The following IL1RAPL2 variants were observed in gnomAD, a reference collection of about 807,000 sequenced individuals.
The protein encoded by IL1RAPL2 is interleukin 1 receptor accessory protein like 2.
In IL1RAPL2, 3 loss-of-function variants were observed where a neutral mutation model predicts 44.1. The ratio of observed to expected loss-of-function variants is 0.07; its 90% CI spans 0.03 to 0.18. IL1RAPL2 has a LOEUF of 0.18. Among genes scored for constraint, IL1RAPL2 ranks in the 10% least tolerant of loss-of-function variants. IL1RAPL2 has a pLI of 1.00. For synonymous variants in IL1RAPL2, 181 were observed against 178.8 expected, an observed-to-expected ratio of 1.01 and a Z score of -0.10; for missense variants, 391 against 496.4, an observed-to-expected ratio of 0.79 and a Z score of 2.02.
At chrX:104,828,732 G>A (rs904092894) in intron 2 of IL1RAPL2, among the ~76,000 whole-genome samples, 4 of 112,474 alleles carry the variant, frequency 3.6e-5, no homozygotes, top group Non-Finnish European at 5.6e-5. Flanking sequence ...GCCCACAGCC[G>A]CCCCCTCCCC....
intron 2 of IL1RAPL2, among the ~76,000 whole-genome samples, chrX:105,029,255 TTTA>T (rs1044938440): frequency 1.5e-4 from 16 of 107,381 alleles, no homozygotes; most frequent in Middle Eastern, 4.9e-3. Context: ...TTATTTTTAT[TTTA>T]TTATTATTAT....
intron 2 of IL1RAPL2, among the ~76,000 whole-genome samples, chrX:105,030,623 G>C (rs9698589): frequency 0.038 from 4,290 of 111,760 alleles, 228 homozygotes; most frequent in African/African-American, 0.13. Context: ...TTTGGTACCA[G>C]TACCATGCTT....
chrX:104,729,635 TTTTTTTATCTTA>T (rs1931864790), intron 2 of IL1RAPL2, among the ~76,000 whole-genome samples: 2 of 109,801 alleles, frequency 1.8e-5, no homozygotes, highest in Non-Finnish European at 3.8e-5. Flanking sequence ...CAATAGTTTT[TTTTTTTATCTTA>T]TCCCTCCTCA....
At chrX:105,512,083 T>C (rs1602444757) in intron 6 of IL1RAPL2, among the ~76,000 whole-genome samples, 1 of 110,932 alleles carries the variant, frequency 9.0e-6, no homozygotes, top group Admixed American at 9.6e-5. Flanking sequence ...TAATTTCAGT[T>C]CTCTCTAATT....
chrX:104,709,925 A>T (rs1038383944), intron 2 of IL1RAPL2, among the ~76,000 whole-genome samples: 5 of 110,932 alleles, frequency 4.5e-5, no homozygotes, highest in Non-Finnish European at 7.6e-5. Flanking sequence ...AATGGAAATT[A>T]AAAAAAGCAG....
At chrX:104,604,447 C>A (rs1300997591) in intron 1 of IL1RAPL2, among the ~76,000 whole-genome samples, 1 of 110,490 alleles carries the variant, frequency 9.1e-6, no homozygotes, top group Admixed American at 9.7e-5. Flanking sequence ...ATCAAATTCA[C>A]ACATAACCAT....
intron 6 of IL1RAPL2, among the ~76,000 whole-genome samples, chrX:105,688,451 A>G (rs1277240735): frequency 1.8e-5 from 2 of 111,913 alleles, no homozygotes; most frequent in Non-Finnish European, 3.8e-5. Context: ...GAGCCAAATT[A>G]TGTGTGAACT....
At chrX:105,708,197 C>T (rs865887726) in intron 6 of IL1RAPL2, among the ~76,000 whole-genome samples, 2 of 111,443 alleles carry the variant, frequency 1.8e-5, no homozygotes, top group Non-Finnish European at 3.8e-5. Context: ...TTATTTTGAA[C>T]ATCATTTCTA....
intron 5 of IL1RAPL2, among the ~76,000 whole-genome samples, chrX:105,403,292 G>C (rs1229407321): frequency 2.7e-5 from 3 of 111,606 alleles, no homozygotes; most frequent in Non-Finnish European, 5.7e-5. Context: ...TGCTTTCTAA[G>C]AATGACTATA....
intron 2 of IL1RAPL2, among the ~76,000 whole-genome samples, chrX:104,877,007 G>A (rs1922923773): frequency 9.1e-6 from 1 of 110,272 alleles, no homozygotes. Flanking sequence ...GCGATAGTTT[G>A]CTGAGAATGA....
intron 5 of IL1RAPL2, among the ~76,000 whole-genome samples, chrX:105,291,943 A>G (rs2034616174): frequency 9.0e-6 from 1 of 111,366 alleles, no homozygotes. Context: ...TATATGGAGC[A>G]CCAACTTTTC....
At chrX:105,307,181 G>A (rs940866747) in intron 5 of IL1RAPL2, among the ~76,000 whole-genome samples, 3 of 107,150 alleles carry the variant, frequency 2.8e-5, no homozygotes, top group Non-Finnish European at 3.8e-5. Context: ...CCCTCAACAC[G>A]TGAGGATTAC....
intron 6 of IL1RAPL2, among the ~76,000 whole-genome samples, chrX:105,610,111 G>C (rs7062670): frequency 0.013 from 1,452 of 111,356 alleles, 19 homozygotes; most frequent in African/African-American, 0.044. Context: ...CCATCCGTAG[G>C]TGTAACAGCC....
intron 5 of IL1RAPL2, among the ~76,000 whole-genome samples, chrX:105,421,466 G>A (rs1189348523): frequency 9.0e-6 from 1 of 111,228 alleles, no homozygotes; most frequent in African/African-American, 3.3e-5. Context: ...ATCTTTTGGA[G>A]AAAGCATTTT....
chrX:105,747,052 T>C (rs1323526729), intron 8 of IL1RAPL2, among the ~76,000 whole-genome samples: 2 of 111,016 alleles, frequency 1.8e-5, no homozygotes, highest in Admixed American at 9.6e-5. Context: ...AAGTAAAAAT[T>C]GTGATTTGCA....
chrX:105,290,136 A>G (rs1054251080), intron 5 of IL1RAPL2, among the ~76,000 whole-genome samples: 1 of 111,256 alleles, frequency 9.0e-6, no homozygotes, highest in Non-Finnish European at 1.9e-5. Context: ...TTCCTTGTTC[A>G]GGTTCTTGTC....
chrX:105,457,679 A>T (rs5962529), intron 5 of IL1RAPL2, among the ~76,000 whole-genome samples: 3,159 of 108,210 alleles, frequency 0.029, 117 homozygotes, highest in African/African-American at 0.1. Flanking sequence ...TATATGTTAT[A>T]TATATGTATA....
chrX:104,990,830 C>G (rs928657062), intron 2 of IL1RAPL2, among the ~76,000 whole-genome samples: 3 of 111,442 alleles, frequency 2.7e-5, no homozygotes, highest in African/African-American at 6.5e-5. Context: ...CAGATGGAAC[C>G]TACTCCTGAA....
chrX:105,035,850 G>C lies in IL1RAPL2; in HGVS notation c.83-159625G>C, dbSNP rs1382524012. ...AGAAATTAATTTAATCTGACTGCTT[G>C]CATCTTATTCTCCACTTAAGTTTGC... On this transcript the variant is annotated intron_variant, in intron 2 of 10. Transcript: ENST00000372582. Among the ~76,000 whole-genome samples, 5 of 112,455 alleles carry C rather than the reference G, an allele frequency of 4.4e-5. No individual in the cohort carries two copies. In the South Asian group the frequency reaches 1.8e-3, roughly 41 times the overall value.
Sources: allele counts gnomAD v4.1 joint callset (sites outside exome capture counted in the v4.1 genomes callset), GRCh38; gene constraint gnomAD v4.1.1; transcripts MANE v1.5; gene names NCBI Gene and HGNC (gene_info 2026-07-23, HGNC 2026-07-21).